NR3C2: variants seen among roughly 807,000 people sequenced by gnomAD.
The protein encoded by NR3C2 is nuclear receptor subfamily 3 group C member 2.
In NR3C2, 15 loss-of-function variants were observed where a neutral mutation model predicts 86.4. The ratio of observed to expected loss-of-function variants is 0.17; its 90% CI spans 0.12 to 0.27. NR3C2 has a LOEUF of 0.27. Among genes scored for constraint, NR3C2 ranks in the 10% least tolerant of loss-of-function variants. NR3C2 has a pLI of 1.00. For missense variants in NR3C2, 960 were observed against 1,195.6 expected (o/e 0.80, Z 2.91); for synonymous variants, 458 against 450.5 (o/e 1.02, Z -0.21).
intron 8 of NR3C2, among the ~76,000 whole-genome samples, chr4:148,101,024 A>G (rs1406800834): frequency 6.6e-6 from 1 of 152,216 alleles, no homozygotes; most frequent in Non-Finnish European, 1.5e-5. Context: ...ATTCATAGAG[A>G]CAGAAAGAGG....
intron 8 of NR3C2, among the ~76,000 whole-genome samples, chr4:148,096,705 AAAG>A (rs1731291925): frequency 6.6e-6 from 1 of 152,222 alleles, no homozygotes; most frequent in South Asian, 2.1e-4. Flanking sequence ...AAAAAAATCC[AAAG>A]AATAATATTT....
At chr4:148,364,015 T>G (rs373340439) in intron 2 of NR3C2, among the ~76,000 whole-genome samples, 2 of 152,246 alleles carry the variant, frequency 1.3e-5, no homozygotes, top group East Asian at 1.9e-4. Flanking sequence ...CAATTAGTCT[T>G]GAATTTGAAT....
chr4:148,242,593 T>C (rs557840658), intron 3 of NR3C2, among the ~76,000 whole-genome samples: 8 of 152,210 alleles, frequency 5.3e-5, no homozygotes, highest in Non-Finnish European at 1.2e-4. Flanking sequence ...TTAGCTGTCA[T>C]ATAATTCCCT....
intron 2 of NR3C2, among the ~76,000 whole-genome samples, chr4:148,355,859 A>T (rs1745527207): frequency 6.6e-6 from 1 of 152,186 alleles, no homozygotes. Context: ...TTTGTAGAAC[A>T]CATCCTGGAC....
intron 8 of NR3C2, among the ~76,000 whole-genome samples, chr4:148,105,091 A>AGT (rs1240280152): frequency 6.6e-6 from 1 of 152,204 alleles, no homozygotes; most frequent in Non-Finnish European, 1.5e-5. Context: ...AGTCCCCTCT[A>AGT]GTGTGATCCT....
chr4:148,318,716 TG>T (rs1743368029), intron 2 of NR3C2, among the ~76,000 whole-genome samples: 2 of 146,918 alleles, frequency 1.4e-5, no homozygotes, highest in Non-Finnish European at 3.0e-5. Context: ...CACTTTTTGA[TG>T]GGGTTGTTTG....
chr4:148,442,870 G>A (rs1295515484), upstream of NR3C2: 4 of 985,276 alleles, frequency 4.1e-6, no homozygotes, highest in South Asian at 9.4e-5. Flanking sequence ...CAGGATATCT[G>A]GAGAGATGTG....
intron 6 of NR3C2, among the ~76,000 whole-genome samples, chr4:148,143,842 G>A (rs1733734891): frequency 6.6e-6 from 1 of 150,826 alleles, no homozygotes; most frequent in Non-Finnish European, 1.5e-5. Flanking sequence ...AGCTACTCAG[G>A]AGGCTGAGGC....
chr4:148,130,250 C>A (rs994712223), intron 6 of NR3C2, among the ~76,000 whole-genome samples: 3 of 152,178 alleles, frequency 2.0e-5, no homozygotes, highest in Admixed American at 6.5e-5. Context: ...TCTCTTTCCA[C>A]GAACTCACAT....
chr4:148,387,565 T>C (rs1747330097), intron 2 of NR3C2, among the ~76,000 whole-genome samples: 1 of 152,218 alleles, frequency 6.6e-6, no homozygotes, highest in Non-Finnish European at 1.5e-5. Flanking sequence ...GTCACATGTT[T>C]AGACCAAGCA....
intron 6 of NR3C2, among the ~76,000 whole-genome samples, chr4:148,131,329 T>C (rs1441220131): frequency 1.3e-5 from 2 of 152,174 alleles, no homozygotes; most frequent in African/African-American, 2.4e-5. Flanking sequence ...GCAAACTGCA[T>C]CGTGTCTGAA....
chr4:148,263,947 T>G (rs1740252644), intron 2 of NR3C2, among the ~76,000 whole-genome samples: 1 of 152,210 alleles, frequency 6.6e-6, no homozygotes, highest in South Asian at 2.1e-4. Context: ...AAAATTTTAT[T>G]GTATGCATCT....
At chr4:148,433,987 T>A (rs993048593) in intron 2 of NR3C2, among the ~76,000 whole-genome samples, 2 of 152,078 alleles carry the variant, frequency 1.3e-5, no homozygotes, top group African/African-American at 4.8e-5. Flanking sequence ...TTTGAGGCAA[T>A]GACAATAAGA....
chr4:148,142,742 C>T (rs989330587), intron 6 of NR3C2, among the ~76,000 whole-genome samples: 1 of 152,204 alleles, frequency 6.6e-6, no homozygotes, highest in African/African-American at 2.4e-5. Flanking sequence ...ATCAAGCAAT[C>T]CGCCTGCATG....
intron 2 of NR3C2, among the ~76,000 whole-genome samples, chr4:148,264,862 C>A (rs1400745310): frequency 6.6e-6 from 1 of 152,150 alleles, no homozygotes; most frequent in East Asian, 1.9e-4. Flanking sequence ...CTTTCTAAAT[C>A]AGCTAATTAT....
chr4:148,163,153 T>A (rs1471451345), intron 4 of NR3C2, among the ~76,000 whole-genome samples: 1 of 152,196 alleles, frequency 6.6e-6, no homozygotes, highest in Non-Finnish European at 1.5e-5. Flanking sequence ...CCTCCCAGCA[T>A]TCTGGAATGT....
In NR3C2 at chr4:148,353,370, CCAT is replaced by C. The variant is rs1189417011; in HGVS notation, c.1757+81731_1757+81733del. 1.5e-4 allele frequency among the ~76,000 whole-genome samples: 23 copies of C among 151,910 alleles called. 1 individual carries two copies. Among genetic ancestry groups the C allele is most frequent in the Admixed American group, 1.4e-3 (21 of 15,212 alleles). On this transcript the variant is annotated intron_variant, in intron 2 of 8. Coordinates refer to ENST00000358102, the MANE Select transcript of NR3C2 (RefSeq NM_000901.5). Reference sequence around the variant, plus strand: ...CTATGGTAAATTTAGTTTATCAAAACCATCATAAGAAACCACCTAATAATAGAA... The same window carrying C: ...CTATGGTAAATTTAGTTTATCAAAACCATAAGAAACCACCTAATAATAGAA...
chr4:148,326,186 C>T lies in NR3C2; in HGVS notation c.1758-66069G>A, dbSNP rs183533621. Among the ~76,000 whole-genome samples, 908 of 148,166 alleles carry T rather than the reference C, an allele frequency of 6.1e-3. 6 individuals are homozygous for T. Among genetic ancestry groups the T allele is most frequent in the African/African-American group, 0.021 (835 of 40,024 alleles). Reference sequence around the variant, plus strand: ...CGGGAGGATCACAAGGTGAGGAGATCGAGACCATCCTGGCTAACATGGTGA... The same window carrying T: ...CGGGAGGATCACAAGGTGAGGAGATTGAGACCATCCTGGCTAACATGGTGA... On this transcript the variant is annotated intron_variant, in intron 2 of 8. Transcript: ENST00000358102.
At position 148,436,312 on chromosome 4, in the gene NR3C2, G is replaced by A. The variant is rs369752535; in HGVS notation, c.549C>T (p.Ser183=). The A allele has an allele frequency of 1.7e-4, 270 of 1,614,068 alleles. No homozygotes were observed. The highest frequency in any genetic ancestry group is 2.2e-4 in the Non-Finnish European group (255 of 1,180,054). Residue 183 remains serine (S), a synonymous_variant, in exon 2 of 9, where the codon AGC becomes AGT. Coordinates refer to ENST00000358102, the MANE Select transcript of NR3C2 (RefSeq NM_000901.5). Reference sequence around the variant, plus strand: ...GGCTTTTCTCATGACACATGATAGGGCTTTTAACAACGGCGCGCATGACGC... The same window carrying A: ...GGCTTTTCTCATGACACATGATAGGACTTTTAACAACGGCGCGCATGACGC... The part of the protein sequence containing the change: ...NGGVMRAVVK[S]PIMCHEKSPS...
Sources: allele counts gnomAD v4.1 joint callset (sites outside exome capture counted in the v4.1 genomes callset), GRCh38; gene constraint gnomAD v4.1.1; transcripts MANE v1.5; gene names NCBI Gene and HGNC (gene_info 2026-07-23, HGNC 2026-07-21).